Variants in GLOD4 observed in about 807,000 individuals in gnomAD.
GLOD4 encodes glyoxalase domain-containing protein 4.
GLOD4 carries 44 observed loss-of-function variants against 39.1 expected under a neutral mutation model. That is an observed-to-expected ratio of 1.13 (90% CI 0.88 to 1.45). The LOEUF (loss-of-function observed/expected upper bound fraction) is 1.45, where lower values mean the gene tolerates loss of function less well. Ranked by LOEUF, GLOD4 falls within the 40% of genes most tolerant of loss-of-function variation. The pLI is 0.00. For missense variants in GLOD4, 405 were observed against 366.4 expected, an observed-to-expected ratio of 1.11 and a Z score of -0.86; for synonymous variants, 145 against 135.0, an observed-to-expected ratio of 1.07 and a Z score of -0.52.
intron 4 of GLOD4, among the ~76,000 whole-genome samples, chr17:772,059 C>T (rs1372921361): frequency 6.9e-6 from 1 of 144,234 alleles, no homozygotes; most frequent in Admixed American, 7.0e-5. Context: ...CGTGGTGGCT[C>T]ATGTGTGTAT....
chr17:782,579 C>T (rs201867527), upstream of GLOD4: 2 of 1,614,070 alleles, frequency 1.2e-6, no homozygotes, highest in East Asian at 4.5e-5. Context: ...AGGCCAGTGC[C>T]CAGGAGCAAC....
intron 8 of GLOD4, among the ~76,000 whole-genome samples, chr17:768,514 G>A (rs1907190296): frequency 7.1e-6 from 1 of 140,862 alleles, no homozygotes; most frequent in Admixed American, 7.1e-5. Context: ...GAGAAACAGC[G>A]CGCACTCAGA....
upstream of GLOD4, chr17:782,387 G>A: frequency 6.2e-7 from 1 of 1,613,650 alleles, no homozygotes. Context: ...ACATGGCGGC[G>A]CTGGTGAGAC....
chr17:770,210 C>A (rs776883388), intron 6 of GLOD4, 53 bp from the exon 7 acceptor site: 1 of 952,140 alleles, frequency 1.1e-6, no homozygotes, highest in Non-Finnish European at 1.7e-6. Flanking sequence ...ACTCAGGACA[C>A]GGCCCTCGTC....
chr17:777,721 A>G (rs1339983511), intron 2 of GLOD4: 1 of 152,202 alleles, frequency 6.6e-6, no homozygotes, highest in Non-Finnish European at 1.5e-5. Flanking sequence ...TATGAAACAT[A>G]TCTGGTCATT....
rs1332114231 is a variant in GLOD4, at chr17:764,887, G to C, written c.832-4649C>G. 2.0e-5 allele frequency: 3 copies of C among 150,940 alleles called. No individual in the cohort carries two copies. In the East Asian group the frequency reaches 6.3e-4, roughly 32 times the overall value. The allele number at this position is 150,940 out of a possible 1,614,324, so 9.4% of individuals were successfully genotyped here. A position where few individuals can be genotyped will look rare whatever the true frequency, so the allele number is the denominator to read the frequency against. ...CCGGGCGAGGTGGCAGGTGCCTGTA[G>C]TCCCAGCTACTCGGTAGGCTGAGGC... On this transcript the variant is annotated intron_variant, in intron 8 of 8. Coordinates refer to ENST00000301329, the MANE Select transcript of GLOD4 (RefSeq NM_016080.4).
intron 4 of GLOD4, among the ~76,000 whole-genome samples, chr17:774,744 TCTAGGAA>T (rs1390823028): frequency 1.3e-5 from 2 of 152,038 alleles, no homozygotes; most frequent in Non-Finnish European, 2.9e-5. Context: ...GCTGGAAGAT[TCTAGGAA>T]AGTTTTTCTT....
At position 760,155 on chromosome 17, in the gene GLOD4, T is replaced by A. The variant is rs1905202200; in HGVS notation, c.*18A>T. On this transcript the variant is annotated 3_prime_UTR_variant, in exon 9 of 9. Transcript: ENST00000301329. ...CTGGGCAGGAATCACAGAGGCTTGC[T>A]CTGCATCATGTCTTCCGTTAACCTG... The A allele has an allele frequency of 6.7e-7, 1 of 1,496,032 alleles. No homozygotes were observed. Among genetic ancestry groups the A allele is most frequent in the Non-Finnish European group, 9.3e-7 (1 of 1,072,182 alleles). The allele number at this position is 1,496,032 out of a possible 1,614,324, so 92.7% of individuals were successfully genotyped here.
intron 2 of GLOD4, chr17:778,415 C>G: frequency 1.9e-6 from 1 of 533,138 alleles, no homozygotes; most frequent in Non-Finnish European, 3.3e-6. Flanking sequence ...TGGAGAATCC[C>G]TTTGTGTCCC....
rs200190271 is a variant in GLOD4, at chr17:760,233, C to T, written c.837G>A (p.Met279Ile). 4 of 1,567,496 alleles carry T rather than the reference C, an allele frequency of 2.6e-6. No individual in the cohort carries two copies. The East Asian group carries it at 9.0e-5, about 35-fold the overall frequency. The change falls in exon 9 of 9, where the codon ATG (methionine) becomes ATA (isoleucine). Residue 279 changes from methionine to isoleucine, a missense_variant. Transcript: ENST00000301329. ...PEGSKLLDDA[M>I]AADKSDEWFA... The stretch of plus-strand genomic sequence containing the variant: ...ACCACTCGTCACTTTTATCTGCTGC[C>T]ATTGCCTGTAAAATAGAAATAGAAT...
upstream of GLOD4, chr17:783,488 C>T (rs1234920067): frequency 4.7e-6 from 3 of 637,148 alleles, no homozygotes; most frequent in Admixed American, 9.9e-5. Context: ...AGGCGTCTGC[C>T]ACCATGCCCG....
upstream of GLOD4, among the ~76,000 whole-genome samples, chr17:784,702 C>A (rs1910450145): frequency 6.6e-6 from 1 of 152,190 alleles, no homozygotes. Context: ...TAGGAACTGG[C>A]AGCACCTGTC....
Position 770,149 on chromosome 17 carries a change from G to C in GLOD4, c.639C>G (p.Asp213Glu). ...TCTCCCTTTTCATCAAGTCTTCTAA[G>C]TCTGGCAACTTGAGGAAAACAGAGG... is the stretch of plus-strand genomic sequence containing the variant. ...AFSCPQKELP[D>E]LEDLMKRENQ... Residue 213 changes from aspartate (D) to glutamate (E), a missense_variant, in exon 7 of 9, where the codon GAC (aspartate) becomes GAG (glutamate). Transcript: ENST00000301329. 1 of 1,601,388 alleles carries C rather than the reference G, an allele frequency of 6.2e-7. No individual in the cohort carries two copies. The highest frequency in any genetic ancestry group is 8.6e-7 in the Non-Finnish European group (1 of 1,168,810).
chr17:768,629 A>G (rs1907233046), intron 8 of GLOD4, among the ~76,000 whole-genome samples: 3 of 127,354 alleles, frequency 2.4e-5, no homozygotes, highest in East Asian at 2.7e-4. Flanking sequence ...AACAGCGCGC[A>G]CTCAGATTTT....
At chr17:766,710 G>A (rs1490164404) in intron 8 of GLOD4, among the ~76,000 whole-genome samples, 1 of 151,938 alleles carries the variant, frequency 6.6e-6, no homozygotes, top group African/African-American at 2.4e-5. Context: ...GACCAGCCTG[G>A]CCAACCTGGC....
At chr17:760,972 A>T (rs1905319886) in intron 8 of GLOD4, among the ~76,000 whole-genome samples, 2 of 152,204 alleles carry the variant, frequency 1.3e-5, no homozygotes, top group African/African-American at 4.8e-5. Flanking sequence ...ACAAAGCCTT[A>T]ACAATAATGT....
At chr17:769,199 G>A (rs1415496076) in intron 8 of GLOD4, among the ~76,000 whole-genome samples, 1 of 151,988 alleles carries the variant, frequency 6.6e-6, no homozygotes, top group Non-Finnish European at 1.5e-5. Flanking sequence ...GCATCTCCAT[G>A]GGGAGAGCTG....
chr17:783,457 C>T, upstream of GLOD4: 1 of 911,728 alleles, frequency 1.1e-6, no homozygotes, highest in Admixed American at 3.0e-5. Flanking sequence ...TTGCCTCAGC[C>T]TCCGCAGTAG....
At chr17:765,646 G>A (rs374217858) in intron 8 of GLOD4, among the ~76,000 whole-genome samples, 14 of 149,964 alleles carry the variant, frequency 9.3e-5, no homozygotes, top group African/African-American at 1.7e-4. Flanking sequence ...GGGTTTCACC[G>A]TGTTAGCCAG....
Sources: allele counts gnomAD v4.1 joint callset (sites outside exome capture counted in the v4.1 genomes callset), GRCh38; gene constraint gnomAD v4.1.1; transcripts MANE v1.5; gene names NCBI Gene and HGNC (gene_info 2026-07-23, HGNC 2026-07-21).